RSF1: variants seen among roughly 807,000 people sequenced by gnomAD.
RSF1 encodes the protein remodeling and spacing factor 1.
Under a neutral mutation model 145.2 loss-of-function variants are expected in RSF1, and 13 were observed. That is an observed-to-expected ratio of 0.09 (90% CI 0.06 to 0.14). The LOEUF (loss-of-function observed/expected upper bound fraction) is 0.14, where lower values mean the gene tolerates loss of function less well. RSF1 is among the 10% of genes least tolerant of loss of function. The pLI, the probability that RSF1 is intolerant of heterozygous loss-of-function variation, is 1.00. For synonymous variants in RSF1, 577 were observed against 592.6 expected (o/e 0.97, Z 0.38); for missense variants, 1,517 against 1,718.2 (o/e 0.88, Z 2.07).
intron 2 of RSF1, among the ~76,000 whole-genome samples, chr11:77,759,100 C>T (rs1475284231): frequency 1.3e-5 from 2 of 152,088 alleles, no homozygotes; most frequent in Non-Finnish European, 2.9e-5. Flanking sequence ...GGTTGTTGAT[C>T]TATTTTCAGT....
intron 5 of RSF1, among the ~76,000 whole-genome samples, chr11:77,721,084 G>A (rs775984073): frequency 6.6e-6 from 1 of 152,138 alleles, no homozygotes; most frequent in Non-Finnish European, 1.5e-5. Context: ...AATGACTAAA[G>A]AAAAATCTAT....
intron 5 of RSF1, among the ~76,000 whole-genome samples, chr11:77,705,447 A>AC: frequency 6.6e-6 from 1 of 152,150 alleles, no homozygotes; most frequent in Non-Finnish European, 1.5e-5. Flanking sequence ...TTTCTCCACC[A>AC]CCCCTAGCAG....
At chr11:77,773,447 T>C (rs891205793) in intron 1 of RSF1, among the ~76,000 whole-genome samples, 2 of 152,156 alleles carry the variant, frequency 1.3e-5, no homozygotes, top group Non-Finnish European at 2.9e-5. Context: ...GAGTCTGCTA[T>C]AGTATATATG....
intron 1 of RSF1, among the ~76,000 whole-genome samples, chr11:77,797,689 T>C (rs1024502462): frequency 6.6e-6 from 1 of 152,076 alleles, no homozygotes; most frequent in South Asian, 2.1e-4. Flanking sequence ...AAGAGCTTCT[T>C]CACAGCAAAA....
chr11:77,698,274 C>G (rs1036330593), intron 7 of RSF1, among the ~76,000 whole-genome samples: 2 of 152,176 alleles, frequency 1.3e-5, no homozygotes, highest in Non-Finnish European at 2.9e-5. Context: ...GAGGAAATAT[C>G]AATATACAAG....
intron 1 of RSF1, among the ~76,000 whole-genome samples, chr11:77,793,552 A>G (rs1349646198): frequency 6.6e-6 from 1 of 152,230 alleles, no homozygotes; most frequent in African/African-American, 2.4e-5. Context: ...TCACCAGTAA[A>G]GACACATATA....
chr11:77,719,394 A>G lies in RSF1; in HGVS notation c.733+6151T>C, dbSNP rs190682401. The stretch of plus-strand genomic sequence containing the variant: ...CTTATTTTCATGTTAACTACACTGT[A>G]AGAAAAAAATATAAGTCCAAGCACC... On this transcript the variant is annotated intron_variant, in intron 5 of 15. Coordinates refer to ENST00000308488, the MANE Select transcript of RSF1 (RefSeq NM_016578.4). Among the ~76,000 whole-genome samples, 285 of 152,336 alleles carry G rather than the reference A, an allele frequency of 1.9e-3. 1 individual carries two copies. Among genetic ancestry groups the G allele is most frequent in the African/African-American group, 6.6e-3 (273 of 41,572 alleles).
At chr11:77,821,005 G>A, upstream of RSF1, 2 of 490,552 alleles carry the variant, frequency 4.1e-6, no homozygotes, top group Middle Eastern at 5.3e-4. Flanking sequence ...TGTGACAGGG[G>A]GAATGAAAAC....
intron 9 of RSF1, among the ~76,000 whole-genome samples, chr11:77,689,551 G>C (rs755778066): frequency 4.6e-5 from 7 of 152,118 alleles, no homozygotes; most frequent in Admixed American, 1.3e-4. Context: ...GAACTAAAAT[G>C]CTCCTCCACC....
At chr11:77,856,458 T>C in the RSF1 span, among the ~76,000 whole-genome samples, 1 of 152,206 alleles carries the variant, frequency 6.6e-6, no homozygotes, top group Non-Finnish European at 1.5e-5. Context: ...CATTTTTTAG[T>C]ATCTTTATAG....
chr11:77,869,301 T>A, the RSF1 span: 1 of 159,244 alleles, frequency 6.3e-6, no homozygotes, highest in Non-Finnish European at 1.3e-5. Flanking sequence ...TTCGTTTATT[T>A]ATCTCTTTTT....
chr11:77,725,473 A>C, intron 5 of RSF1, 72 bp downstream of exon 5: 2 of 1,151,598 alleles, frequency 1.7e-6, no homozygotes, highest in Non-Finnish European at 2.3e-6. Flanking sequence ...AGAATTATAT[A>C]GTTGGGAAGA....
At chr11:77,842,421 T>G in the RSF1 span, 2 of 1,511,836 alleles carry the variant, frequency 1.3e-6, no homozygotes, top group Non-Finnish European at 1.8e-6. Context: ...CACTGTATTT[T>G]CAAACTGTTT....
chr11:77,705,861 A>AC (rs902256997), intron 5 of RSF1, among the ~76,000 whole-genome samples: 4 of 151,762 alleles, frequency 2.6e-5, no homozygotes, highest in Non-Finnish European at 4.4e-5. Flanking sequence ...TCAAAAAAAA[A>AC]CCAAAAAAAC....
intron 1 of RSF1, among the ~76,000 whole-genome samples, chr11:77,806,666 G>T (rs1948680561): frequency 6.6e-6 from 1 of 151,758 alleles, no homozygotes; most frequent in Non-Finnish European, 1.5e-5. Context: ...GGGCAATAGA[G>T]CAAGACCCTC....
At chr11:77,699,789 A>G (rs1022038639) in intron 6 of RSF1, among the ~76,000 whole-genome samples, 2 of 152,214 alleles carry the variant, frequency 1.3e-5, no homozygotes, top group Non-Finnish European at 2.9e-5. Context: ...ACTCATGTCC[A>G]AAAGGATCTT....
intron 1 of RSF1, among the ~76,000 whole-genome samples, chr11:77,799,504 CAAAA>C (rs34602419): frequency 2.4e-5 from 2 of 82,250 alleles, no homozygotes; most frequent in Admixed American, 1.2e-4. Context: ...ACCCTGTCTC[CAAAA>C]AAAAAAAAAA....
chr11:77,702,471 A>G lies in RSF1; in HGVS notation c.758T>C (p.Met253Thr), dbSNP rs1285432959. ...ATCCATAGGCTGCTCCTCACTTTTC[A>G]TCTTTTCACTTTCTTTCTGTTCCTC... ...KQEEQKESEKMKSEEQPMDLE... is the reference protein window; with the variant it reads ...KQEEQKESEKTKSEEQPMDLE... The change falls in exon 6 of 16, where the codon ATG becomes ACG. Residue 253 changes from methionine (M) to threonine (T), a missense_variant. Around this residue, in one of 12 missense-constraint regions of RSF1, gnomAD observed 207 missense variants for 191.4 expected, o/e 1.08. Coordinates refer to ENST00000308488, the MANE Select transcript of RSF1 (RefSeq NM_016578.4). 3.2e-6 allele frequency: 5 copies of G among 1,550,066 alleles called. No homozygotes were observed. The East Asian group carries it at 9.2e-5, about 28-fold the overall frequency.
At chr11:77,835,901 C>CTA in the RSF1 span, among the ~76,000 whole-genome samples, 12 of 151,524 alleles carry the variant, frequency 7.9e-5, no homozygotes, top group African/African-American at 2.9e-4. Flanking sequence ...GAGTGAGACT[C>CTA]TGTGTCAAAA....
Sources: allele counts gnomAD v4.1 joint callset (sites outside exome capture counted in the v4.1 genomes callset), GRCh38; gene constraint gnomAD v4.1.1; regional missense constraint gnomAD v4.1.1; transcripts MANE v1.5; gene names NCBI Gene and HGNC (gene_info 2026-07-23, HGNC 2026-07-21).